ITGA9: variants seen among roughly 807,000 people sequenced by gnomAD.
ITGA9 encodes integrin subunit alpha 9, also known as integrin alpha-9.
ITGA9 carries 56 observed loss-of-function variants against 127.8 expected under a neutral mutation model. The observed-to-expected ratio is 0.44, with a 90% CI of 0.35 to 0.55. The LOEUF (loss-of-function observed/expected upper bound fraction) is 0.55, where lower values mean the gene tolerates loss of function less well. Among genes scored for constraint, ITGA9 ranks in the 20% least tolerant of loss-of-function variants. The pLI, the probability that ITGA9 is intolerant of heterozygous loss-of-function variation, is 0.00. For synonymous variants in ITGA9, 508 were observed against 514.5 expected, an observed-to-expected ratio of 0.99 and a Z score of 0.17; for missense variants, 1,196 against 1,347.1, an observed-to-expected ratio of 0.89 and a Z score of 1.76.
chr3:37,605,861 T>TA (rs1421977389), intron 15 of ITGA9, among the ~76,000 whole-genome samples: 1 of 152,162 alleles, frequency 6.6e-6, no homozygotes, highest in African/African-American at 2.4e-5. Flanking sequence ...TTTATAGGGG[T>TA]AATAACTTGA....
At chr3:37,792,900 T>G (rs1697128393) in intron 26 of ITGA9, among the ~76,000 whole-genome samples, 1 of 152,102 alleles carries the variant, frequency 6.6e-6, no homozygotes, top group African/African-American at 2.4e-5. Context: ...GGAATGCTTA[T>G]CCTGGAGGGC....
At chr3:37,697,460 T>C (rs1052777537) in intron 18 of ITGA9, among the ~76,000 whole-genome samples, 3 of 152,008 alleles carry the variant, frequency 2.0e-5, no homozygotes, top group Non-Finnish European at 4.4e-5. Flanking sequence ...ACATTAGATA[T>C]TTCTCCTAAT....
At chr3:37,787,759 C>T (rs1443121720) in intron 26 of ITGA9, among the ~76,000 whole-genome samples, 8 of 152,268 alleles carry the variant, frequency 5.3e-5, no homozygotes, top group South Asian at 4.1e-4. Context: ...CATAGAGCCT[C>T]GCCACCAAAT....
chr3:37,478,944 C>T (rs1698522960), intron 3 of ITGA9, among the ~76,000 whole-genome samples: 1 of 152,174 alleles, frequency 6.6e-6, no homozygotes, highest in Non-Finnish European at 1.5e-5. Context: ...ACATTAAGTA[C>T]AGCAAAGCCT....
intron 1 of ITGA9, among the ~76,000 whole-genome samples, chr3:37,454,466 G>T (rs1482897854): frequency 2.4e-4 from 36 of 152,232 alleles, no homozygotes; most frequent in Admixed American, 2.4e-3. Context: ...TAGGGAGTGG[G>T]TGTGGAGCAG....
At chr3:37,805,556 C>G (rs1697285204) in intron 27 of ITGA9, among the ~76,000 whole-genome samples, 1 of 152,174 alleles carries the variant, frequency 6.6e-6, no homozygotes, top group Admixed American at 6.5e-5. Context: ...TTAAATATCC[C>G]TGGAGCCAAA....
Position 37,721,088 on chromosome 3 carries a change from C to T in ITGA9, c.2068-11624C>T, listed in dbSNP as rs925492972. 5.4e-5 allele frequency among the ~76,000 whole-genome samples: 8 copies of T among 147,100 alleles called. No homozygotes were observed. In the East Asian group the frequency reaches 9.9e-4, roughly 18 times the overall value. On this transcript the variant is annotated intron_variant, in intron 18 of 27. Transcript: ENST00000264741. ...GATTGGCACAGGGTTATTTCATGTG[C>T]ACTTCAATCAAATTTCTTTTCTTGC...
At chr3:37,653,543 C>T (rs573225859) in intron 16 of ITGA9, among the ~76,000 whole-genome samples, 171 bp from the exon 17 acceptor site, 1 of 152,288 alleles carries the variant, frequency 6.6e-6, no homozygotes, top group South Asian at 2.1e-4. Context: ...TTCCTTGGAG[C>T]TTGGAAGAAC....
chr3:37,816,951 G>C (rs1171540260), intron 27 of ITGA9, among the ~76,000 whole-genome samples: 1 of 152,210 alleles, frequency 6.6e-6, no homozygotes, highest in Non-Finnish European at 1.5e-5. Flanking sequence ...GGCAACGTGG[G>C]TGAAGATACC....
chr3:37,488,195 A>C (rs6550479), intron 4 of ITGA9, among the ~76,000 whole-genome samples: 1 of 152,044 alleles, frequency 6.6e-6, no homozygotes, highest in East Asian at 1.9e-4. Context: ...CTTATGCGCC[A>C]GGACAACAGG....
intron 4 of ITGA9, among the ~76,000 whole-genome samples, chr3:37,490,966 T>TCCCCCCCCC (rs10624727): frequency 1.8e-5 from 2 of 108,718 alleles, no homozygotes; most frequent in Non-Finnish European, 3.8e-5. Context: ...AGATTTGGCT[T>TCCCCCCCCC]CCCCCCCGCT....
chr3:37,526,620 C>G (rs1262183982), intron 13 of ITGA9, among the ~76,000 whole-genome samples: 3 of 152,202 alleles, frequency 2.0e-5, no homozygotes, highest in Non-Finnish European at 2.9e-5. Context: ...GAGGCCCGTG[C>G]AGTCTGCATC....
chr3:37,650,516 C>T (rs1229169817), intron 16 of ITGA9, among the ~76,000 whole-genome samples: 1 of 152,112 alleles, frequency 6.6e-6, no homozygotes, highest in East Asian at 1.9e-4. Flanking sequence ...ACTGCACCCT[C>T]TCTCTCCTGG....
intron 22 of ITGA9, among the ~76,000 whole-genome samples, chr3:37,744,507 G>GTGTGAGCCCC (rs965828364): frequency 2.6e-5 from 4 of 152,234 alleles, no homozygotes; most frequent in African/African-American, 9.6e-5. Context: ...GAACAGAGGA[G>GTGTGAGCCCC]TGTGAGCCCC....
intron 15 of ITGA9, among the ~76,000 whole-genome samples, chr3:37,575,155 C>A (rs1699641147): frequency 6.6e-6 from 1 of 152,054 alleles, no homozygotes; most frequent in African/African-American, 2.4e-5. Context: ...GGTACCCGTG[C>A]CCTGTGCTGC....
intron 18 of ITGA9, among the ~76,000 whole-genome samples, chr3:37,685,113 C>T (rs918510347): frequency 1.3e-4 from 20 of 152,152 alleles, no homozygotes; most frequent in African/African-American, 4.8e-4. Context: ...AAAATGGAAC[C>T]AAAATCACTT....
At chr3:37,547,698 G>T (rs1699340539) in intron 15 of ITGA9, among the ~76,000 whole-genome samples, 1 of 152,166 alleles carries the variant, frequency 6.6e-6, no homozygotes, top group African/African-American at 2.4e-5. Flanking sequence ...GTCATCTTGA[G>T]AAATCAAAGA....
chr3:37,555,556 A>G (rs1279233272), intron 15 of ITGA9, among the ~76,000 whole-genome samples: 1 of 152,244 alleles, frequency 6.6e-6, no homozygotes, highest in Non-Finnish European at 1.5e-5. Context: ...AGGGACAGAC[A>G]CTGGACAGAC....
At chr3:37,584,805 G>C (rs999456238) in intron 15 of ITGA9, among the ~76,000 whole-genome samples, 4 of 152,012 alleles carry the variant, frequency 2.6e-5, no homozygotes, top group African/African-American at 9.7e-5. Flanking sequence ...CACAGGCAGT[G>C]TAATTATTTG....
Sources: gnomAD v4.1 joint callset for allele counts (sites outside exome capture counted in the v4.1 genomes callset) on GRCh38, gnomAD v4.1.1 for gene constraint, MANE v1.5 for transcripts, NCBI Gene and HGNC (gene_info 2026-07-23, HGNC 2026-07-21) for gene names.